The following FEZ2 variants were observed in gnomAD, a reference collection of about 807,000 sequenced individuals.
The protein encoded by FEZ2 is fasciculation and elongation protein zeta-2.
Under a neutral mutation model 40.4 loss-of-function variants are expected in FEZ2, and 51 were observed. The observed-to-expected ratio is 1.26, with a 90% CI of 1.01 to 1.59. The LOEUF is 1.59. FEZ2 is among the 40% of genes most tolerant of loss of function. The pLI, the probability that FEZ2 is intolerant of heterozygous loss-of-function variation, is 0.00. For synonymous variants in FEZ2, 242 were observed against 172.0 expected (o/e 1.41, Z -3.18); for missense variants, 640 against 438.3 (o/e 1.46, Z -4.11).
At chr2:36,583,279 T>C (rs1668804073) in intron 3 of FEZ2, 74 bp downstream of exon 3, 1 of 767,742 alleles carries the variant, frequency 1.3e-6, no homozygotes, top group Admixed American at 2.0e-5. Flanking sequence ...AGCCATCATT[T>C]ACTGTCATAA....
chr2:36,586,817 C>T lies in FEZ2; in HGVS notation c.376-3348G>A, dbSNP rs1459823090. ...TTAAAATTAGCCAGGCATGGCGGTA[C>T]TCGTGTGTAGTCTAGCTACTCAGGA... On this transcript the variant is annotated intron_variant, in intron 2 of 7. Transcript: ENST00000405912. Among the ~76,000 whole-genome samples, 6 of 152,074 alleles carry T rather than the reference C, an allele frequency of 3.9e-5. No individual in the cohort carries two copies. The South Asian group carries it at 1.0e-3, about 26-fold the overall frequency.
chr2:36,552,565 C>G lies in FEZ2; in HGVS notation c.*598G>C. On this transcript the variant is annotated 3_prime_UTR_variant, in exon 8 of 8. Transcript: ENST00000405912. ...TGGCAATTTAATGGTTAAAATTTGA[C>G]CAGTGGTGAAACAAGCAGCAAGCTA... 1 of 246,606 alleles carries G rather than the reference C, an allele frequency of 4.1e-6. No homozygotes were observed. The highest frequency in any genetic ancestry group is 8.0e-6 in the Non-Finnish European group (1 of 124,770). 15.3% of individuals were successfully genotyped at this position (246,606 alleles called of 1,614,324 possible). A position where few individuals can be genotyped will look rare whatever the true frequency, so the allele number is the denominator to read the frequency against.
At chr2:36,558,625 T>C (rs559807059) in intron 5 of FEZ2, 112 bp from the exon 6 acceptor site, 94 of 534,126 alleles carry the variant, frequency 1.8e-4, no homozygotes, top group Non-Finnish European at 2.9e-4. Context: ...CAAGCTACTT[T>C]GGTAATGAAA....
chr2:36,569,680 C>G (rs138970204), intron 5 of FEZ2, among the ~76,000 whole-genome samples: 241 of 152,272 alleles, frequency 1.6e-3, no homozygotes, highest in African/African-American at 5.3e-3. Flanking sequence ...TCACAGAAAG[C>G]AACATCCAAG....
At chr2:36,564,117 G>A (rs1296653807) in intron 5 of FEZ2, among the ~76,000 whole-genome samples, 2 of 152,166 alleles carry the variant, frequency 1.3e-5, no homozygotes, top group African/African-American at 2.4e-5. Flanking sequence ...AAAGTGCTAA[G>A]AACAGAGACT....
chr2:36,583,885 G>A (rs1359833106), intron 2 of FEZ2: 1 of 162,044 alleles, frequency 6.2e-6, no homozygotes, highest in Non-Finnish European at 1.3e-5. Flanking sequence ...CTGAGTAAAA[G>A]ATGATCAACT....
chr2:36,563,477 G>C (rs887427069), intron 5 of FEZ2, among the ~76,000 whole-genome samples: 1 of 142,924 alleles, frequency 7.0e-6, no homozygotes, highest in Non-Finnish European at 1.5e-5. Context: ...TGATCCATTG[G>C]AAAATTACAG....
At chr2:36,567,295 T>C (rs2125225851) in intron 5 of FEZ2, among the ~76,000 whole-genome samples, 1 of 149,032 alleles carries the variant, frequency 6.7e-6, no homozygotes, top group East Asian at 2.0e-4. Flanking sequence ...ATAAGTGGAG[T>C]ATGAACAGAA....
intron 5 of FEZ2, among the ~76,000 whole-genome samples, chr2:36,562,023 A>G (rs13410783): frequency 0.33 from 49,634 of 152,072 alleles, 8,367 homozygotes; most frequent in Middle Eastern, 0.52. Flanking sequence ...CTACTAAAAT[A>G]TAAGTTGTCT....
At chr2:36,580,773 A>G (rs1668713440) in intron 4 of FEZ2, among the ~76,000 whole-genome samples, 1 of 152,220 alleles carries the variant, frequency 6.6e-6, no homozygotes. Flanking sequence ...TCAGAATGTT[A>G]CAGTATATGG....
chr2:36,577,170 C>CTA (rs1314014575), intron 5 of FEZ2, among the ~76,000 whole-genome samples: 2 of 151,540 alleles, frequency 1.3e-5, no homozygotes, highest in African/African-American at 4.9e-5. Context: ...CTAGGAATAA[C>CTA]TAAATAAACA....
chr2:36,563,561 GCTC>G (rs1668150642), intron 5 of FEZ2, among the ~76,000 whole-genome samples: 1 of 151,160 alleles, frequency 6.6e-6, no homozygotes, highest in Non-Finnish European at 1.5e-5. Flanking sequence ...CTGAGAACGT[GCTC>G]CTATCAAACG....
In FEZ2 at chr2:36,583,347, C is replaced by G. The variant is rs779286670; in HGVS notation, c.492+6G>C. Reference sequence around the variant, plus strand: ...TTCCTTGCGTTGCTGAGGATCTCCTCTATACCTGGTCTGCCGTGAAGAGGG... The same window carrying G: ...TTCCTTGCGTTGCTGAGGATCTCCTGTATACCTGGTCTGCCGTGAAGAGGG... On this transcript the variant is annotated splice_donor_region_variant and intron_variant, in intron 3 of 7. Transcript: ENST00000405912. 1 of 1,472,696 alleles carries G rather than the reference C, an allele frequency of 6.8e-7. No homozygotes were observed. Among genetic ancestry groups the G allele is most frequent in the Non-Finnish European group, 9.5e-7 (1 of 1,051,420 alleles). The allele number at this position is 1,472,696 out of a possible 1,614,324, so 91.2% of individuals were successfully genotyped here. A position where few individuals can be genotyped will look rare whatever the true frequency, so the allele number is the denominator to read the frequency against.
chr2:36,571,391 T>G (rs946584418), intron 5 of FEZ2, among the ~76,000 whole-genome samples: 2 of 152,188 alleles, frequency 1.3e-5, no homozygotes, highest in African/African-American at 2.4e-5. Flanking sequence ...CCGGGCACGG[T>G]TGCTCACGCC....
intron 5 of FEZ2, chr2:36,560,718 T>A: frequency 2.1e-6 from 2 of 958,020 alleles, no homozygotes; most frequent in South Asian, 3.1e-5. Context: ...ACTACCAGCT[T>A]TCAGGATCTT....
intron 5 of FEZ2, among the ~76,000 whole-genome samples, chr2:36,576,273 TTA>T (rs1193980475): frequency 1.1e-5 from 1 of 94,174 alleles, no homozygotes; most frequent in African/African-American, 5.0e-5. Context: ...TTTAGGCTTT[TTA>T]TTTTTTTTTT....
intron 5 of FEZ2, among the ~76,000 whole-genome samples, chr2:36,568,702 AC>A (rs1490122146): frequency 6.6e-6 from 1 of 152,218 alleles, no homozygotes; most frequent in African/African-American, 2.4e-5. Context: ...CTCACTACTG[AC>A]AAATGCCAAA....
In FEZ2 at chr2:36,598,132, T is replaced by A; in HGVS notation, c.11A>T (p.Asp4Val). 1 of 1,475,378 alleles carries A rather than the reference T, an allele frequency of 6.8e-7. No individual in the cohort carries two copies. Among genetic ancestry groups the A allele is most frequent in the Non-Finnish European group, 8.9e-7 (1 of 1,121,536 alleles). 91.4% of individuals were successfully genotyped at this position (1,475,378 alleles called of 1,614,324 possible). MAA[D>V]GDWQDFYEFQ... ...CTCATAGAAATCCTGCCAGTCCCCG[T>A]CCGCCGCCATCGCCGCCCGGAGCAG... is the stretch of plus-strand genomic sequence containing the variant. The change falls in exon 1 of 8, where the codon GAC (aspartate) becomes GTC (valine). Residue 4 changes from aspartate to valine, a missense_variant. By Grantham distance (152) the Asp-to-Val change is radical (BLOSUM62 -3). Coordinates refer to ENST00000405912, the MANE Select transcript of FEZ2 (RefSeq NM_005102.3).
At position 36,590,971 on chromosome 2, in the gene FEZ2, G is replaced by T. The variant is rs749157053; in HGVS notation, c.307C>A (p.Pro103Thr). 8 of 1,611,932 alleles carry T rather than the reference G, an allele frequency of 5.0e-6. No homozygotes were observed. In the Middle Eastern group the frequency reaches 4.9e-4, roughly 99 times the overall value. ...ALTDNYGNVM[P>T]VDWKSSHTRT... ...GTATGCGATGACTTCCAGTCTACAG[G>T]CATCACATTCCCATAATTATCTGTC... The change falls in exon 2 of 8, where the codon CCT becomes ACT. Residue 103 changes from proline (P) to threonine (T), a missense_variant. Coordinates refer to ENST00000405912, the MANE Select transcript of FEZ2 (RefSeq NM_005102.3).
Sources: allele counts gnomAD v4.1 joint callset (sites outside exome capture counted in the v4.1 genomes callset), GRCh38; gene constraint gnomAD v4.1.1; transcripts MANE v1.5; gene names NCBI Gene and HGNC (gene_info 2026-07-23, HGNC 2026-07-21).